Variants in C6orf89 observed in about 807,000 individuals in gnomAD.
C6orf89 encodes the protein bombesin receptor-activated protein C6orf89.
In C6orf89, 29 loss-of-function variants were observed where a neutral mutation model predicts 40.7. That is an observed-to-expected ratio of 0.71 (90% confidence interval 0.53 to 0.97). The LOEUF (loss-of-function observed/expected upper bound fraction) is 0.97. Ranked by LOEUF, C6orf89 falls within the 50% of genes least tolerant of loss-of-function variation. The pLI, the probability that C6orf89 is intolerant of heterozygous loss-of-function variation, is 0.00. For missense variants in C6orf89, 392 were observed against 429.1 expected (o/e 0.91, Z 0.76); for synonymous variants, 165 against 152.2 (o/e 1.08, Z -0.62).
In C6orf89 at chr6:36,893,212, G is replaced by A. The variant is rs540100404; in HGVS notation, c.-119-1292G>A. Reference sequence around the variant, plus strand: ...GCCTCCCAAAGTGCTGGGATTACAGGCGTGAGCCACCGCGCCCGGCCTTGA... The same window carrying A: ...GCCTCCCAAAGTGCTGGGATTACAGACGTGAGCCACCGCGCCCGGCCTTGA... On this transcript the variant is annotated intron_variant, in intron 1 of 8. Coordinates refer to ENST00000480824, the MANE Select transcript of C6orf89 (RefSeq NM_001286635.2). Among the ~76,000 whole-genome samples the A allele has an allele frequency of 4.0e-3, 608 of 152,136 alleles. 3 individuals carry two copies. Among genetic ancestry groups the A allele is most frequent in the African/African-American group, 0.012 (485 of 41,488 alleles).
chr6:36,913,946 A>G (rs1762220233), intron 4 of C6orf89, among the ~76,000 whole-genome samples: 1 of 152,124 alleles, frequency 6.6e-6, no homozygotes, highest in Non-Finnish European at 1.5e-5. Flanking sequence ...AGATCATGTG[A>G]GCCCAGGAAT....
intron 1 of C6orf89, among the ~76,000 whole-genome samples, chr6:36,891,616 A>G (rs1761212214): frequency 6.6e-6 from 1 of 152,260 alleles, no homozygotes; most frequent in South Asian, 2.1e-4. Flanking sequence ...TTACTAGAAC[A>G]TATATTTAAT....
chr6:36,900,829 C>T (rs916128989), intron 3 of C6orf89, among the ~76,000 whole-genome samples: 1 of 150,760 alleles, frequency 6.6e-6, no homozygotes, highest in Non-Finnish European at 1.5e-5. Flanking sequence ...TGAGCCACTG[C>T]AGCCAGCCTT....
At position 36,915,512 on chromosome 6, in the gene C6orf89, C is replaced by T. The variant is rs370299298; in HGVS notation, c.695+819C>T. On this transcript the variant is annotated intron_variant, in intron 6 of 8. Transcript: ENST00000480824. ...ATCCCAACACTTTGGGAGTCTGAGG[C>T]GGGTTGATCACTTGGGCCCGGGAGT... Among the ~76,000 whole-genome samples the T allele has an allele frequency of 7.9e-5, 12 of 152,166 alleles. No homozygotes were observed. In the East Asian group the frequency reaches 1.9e-3, roughly 24 times the overall value.
At position 36,899,660 on chromosome 6, in the gene C6orf89, G is replaced by A. The variant is rs544075784; in HGVS notation, c.189+27G>A. 4.7e-5 allele frequency: 75 copies of A among 1,597,986 alleles called. No homozygotes were observed. The South Asian group carries it at 7.7e-4, about 16-fold the overall frequency. ...TAAAATGTTTCCTGAGTTGGTAATTGCTTCAACAGAACACAAACTGTTCAA... is the reference window on the plus strand; with the variant it reads ...TAAAATGTTTCCTGAGTTGGTAATTACTTCAACAGAACACAAACTGTTCAA... On this transcript the variant is annotated intron_variant, in intron 3 of 8. Coordinates refer to ENST00000480824, the MANE Select transcript of C6orf89 (RefSeq NM_001286635.2).
chr6:36,893,441 G>A (rs1168105211), intron 1 of C6orf89, among the ~76,000 whole-genome samples: 2 of 152,110 alleles, frequency 1.3e-5, no homozygotes, highest in Non-Finnish European at 2.9e-5. Flanking sequence ...TCTTAGAAAC[G>A]TCACTAAGTT....
At chr6:36,880,696 G>A (rs1774783975) in intron 2 of C6orf89, among the ~76,000 whole-genome samples, 1 of 152,108 alleles carries the variant, frequency 6.6e-6, no homozygotes, top group African/African-American at 2.4e-5. Context: ...AATTTATTTT[G>A]GAGACATTAA....
At chr6:36,922,072 C>T (rs1762529759) in intron 8 of C6orf89, among the ~76,000 whole-genome samples, 1 of 152,180 alleles carries the variant, frequency 6.6e-6, no homozygotes, top group Non-Finnish European at 1.5e-5. Context: ...CGCGATGGCT[C>T]ACGCCTGTAA....
upstream of C6orf89, among the ~76,000 whole-genome samples, chr6:36,885,346 CT>C (rs1314421835): frequency 1.3e-5 from 2 of 152,168 alleles, no homozygotes; most frequent in Non-Finnish European, 2.9e-5. Flanking sequence ...CTCACTTTGC[CT>C]TTTTTATCTA....
chr6:36,902,163 T>C, intron 3 of C6orf89, 58 bp from the exon 4 acceptor site: 1 of 1,448,914 alleles, frequency 6.9e-7, no homozygotes, highest in Non-Finnish European at 9.6e-7. Context: ...TTGTTTTTTT[T>C]CTTGGTATTA....
At chr6:36,901,063 C>G (rs772456414) in intron 3 of C6orf89, among the ~76,000 whole-genome samples, 4 of 151,466 alleles carry the variant, frequency 2.6e-5, no homozygotes, top group Non-Finnish European at 4.4e-5. Context: ...GTCAGCTGGT[C>G]TCGAACTCCT....
chr6:36,906,751 C>T (rs1306946396), intron 4 of C6orf89, among the ~76,000 whole-genome samples: 1 of 152,090 alleles, frequency 6.6e-6, no homozygotes, highest in African/African-American at 2.4e-5. Flanking sequence ...AAGGCTTCAC[C>T]CCTGCCTCAT....
chr6:36,893,245 T>A (rs555806734), intron 1 of C6orf89, among the ~76,000 whole-genome samples: 18 of 152,252 alleles, frequency 1.2e-4, no homozygotes, highest in African/African-American at 4.1e-4. Flanking sequence ...TGATTTTTTT[T>A]TTTTTAAGGG....
At chr6:36,905,899 TG>T (rs2150699766) in intron 4 of C6orf89, among the ~76,000 whole-genome samples, 1 of 152,318 alleles carries the variant, frequency 6.6e-6, no homozygotes, top group African/African-American at 2.4e-5. Context: ...AAATCACACT[TG>T]AACCCTAGTT....
chr6:36,923,542 T>A lies in C6orf89; in HGVS notation c.*101T>A. On this transcript the variant is annotated 3_prime_UTR_variant, in exon 9 of 9. Coordinates refer to ENST00000480824, the MANE Select transcript of C6orf89 (RefSeq NM_001286635.2). ...ATGAAACTGCTTTCTGGGGGTTGGT[T>A]ACTTAGTTACCTGCCCTTTGCATGC... The A allele has an allele frequency of 1.1e-6, 1 of 905,356 alleles. No homozygotes were observed. The highest frequency in any genetic ancestry group is 1.8e-6 in the Non-Finnish European group (1 of 558,370). 56.1% of individuals were successfully genotyped at this position (905,356 alleles called of 1,614,324 possible).
rs1762770293 is a variant in C6orf89, at chr6:36,928,840, T to C, written c.*5399T>C. The C allele has an allele frequency of 6.6e-6, 1 of 152,258 alleles. No individual in the cohort carries two copies. Among genetic ancestry groups the C allele is most frequent in the Non-Finnish European group, 1.5e-5 (1 of 68,058 alleles). 9.4% of individuals were successfully genotyped at this position (152,258 alleles called of 1,614,324 possible). ...CTCTGAATGGCTTGAGCTTTTAGTA[T>C]GTGTTCAAGTGCAGGATACTACAAA... is the stretch of plus-strand genomic sequence containing the variant. On this transcript the variant is annotated 3_prime_UTR_variant, in exon 9 of 9. Transcript: ENST00000480824.
At chr6:36,891,457 G>A (rs1761207887) in intron 1 of C6orf89, among the ~76,000 whole-genome samples, 2 of 152,210 alleles carry the variant, frequency 1.3e-5, no homozygotes, top group Admixed American at 1.3e-4. Context: ...ATAAACATAT[G>A]TGTGCATGTG....
intron 2 of C6orf89, among the ~76,000 whole-genome samples, chr6:36,879,878 C>T (rs939966925): frequency 6.6e-6 from 1 of 152,148 alleles, no homozygotes; most frequent in African/African-American, 2.4e-5. Flanking sequence ...ATAGTTAGCT[C>T]TAAAAATTAT....
intron 2 of C6orf89, among the ~76,000 whole-genome samples, chr6:36,896,795 T>G (rs529020977): frequency 6.6e-6 from 1 of 152,058 alleles, no homozygotes; most frequent in Non-Finnish European, 1.5e-5. Flanking sequence ...GCTTATAAAT[T>G]TAGGTATTTG....
Sources: allele counts gnomAD v4.1 joint callset (sites outside exome capture counted in the v4.1 genomes callset), GRCh38; gene constraint gnomAD v4.1.1; transcripts MANE v1.5; gene names NCBI Gene and HGNC (gene_info 2026-07-23, HGNC 2026-07-21).